TAFA5: variants seen among roughly 807,000 people sequenced by gnomAD.
The protein encoded by TAFA5 is TAFA chemokine like family member 5.
TAFA5 carries 6 observed loss-of-function variants against 15.3 expected under a neutral mutation model. The ratio of observed to expected loss-of-function variants is 0.39; its 90% confidence interval spans 0.21 to 0.77. TAFA5 has a LOEUF of 0.77. Ranked by LOEUF, TAFA5 falls within the 30% of genes least tolerant of loss-of-function variation. TAFA5 has a pLI of 0.41. For missense variants in TAFA5, 161 were observed against 193.1 expected (o/e 0.83, Z 0.98); for synonymous variants, 103 against 80.7 (o/e 1.28, Z -1.48).
intron 1 of TAFA5, among the ~76,000 whole-genome samples, chr22:48,520,123 G>A (rs1921551615): frequency 6.6e-6 from 1 of 152,248 alleles, no homozygotes; most frequent in African/African-American, 2.4e-5. Context: ...AGGAGCCGCT[G>A]GGTGGCCAGC....
intron 3 of TAFA5, among the ~76,000 whole-genome samples, chr22:48,723,036 C>A (rs1929616643): frequency 6.6e-6 from 1 of 152,196 alleles, no homozygotes; most frequent in Admixed American, 6.5e-5. Flanking sequence ...CAAGGCCGCC[C>A]TCTACCTGTG....
chr22:48,533,248 C>T (rs1406145812), intron 1 of TAFA5, among the ~76,000 whole-genome samples: 7 of 152,132 alleles, frequency 4.6e-5, no homozygotes, highest in Non-Finnish European at 5.9e-5. Context: ...GAAGTCTCAT[C>T]GATGCCCTGG....
At chr22:48,686,405 G>A (rs1569078766) in intron 2 of TAFA5, among the ~76,000 whole-genome samples, 1 of 152,204 alleles carries the variant, frequency 6.6e-6, no homozygotes, top group Non-Finnish European at 1.5e-5. Flanking sequence ...TCACATACTG[G>A]AAAGGATGAG....
chr22:48,709,455 A>G (rs1929185416), intron 3 of TAFA5, among the ~76,000 whole-genome samples: 1 of 152,010 alleles, frequency 6.6e-6, no homozygotes, highest in Non-Finnish European at 1.5e-5. Flanking sequence ...CAGCAACACA[A>G]ACAGCAGGTG....
Position 48,746,239 on chromosome 22 carries a change from T to C in TAFA5, c.391-3600T>C, listed in dbSNP as rs554563583. 3.8e-4 allele frequency among the ~76,000 whole-genome samples: 58 copies of C among 152,134 alleles called. No individual in the cohort carries two copies. The South Asian group carries it at 0.012, about 31-fold the overall frequency. ...AAGTCGTCCAGGGCATTCTGGGCTTTCAGGCTGGCCTCCACCCCGTGCCGT... is the reference window on the plus strand; with the variant it reads ...AAGTCGTCCAGGGCATTCTGGGCTTCCAGGCTGGCCTCCACCCCGTGCCGT... On this transcript the variant is annotated intron_variant, in intron 3 of 3. Transcript: ENST00000402357.
chr22:48,582,820 AC>A (rs559382833), intron 1 of TAFA5, among the ~76,000 whole-genome samples: 1 of 58,744 alleles, frequency 1.7e-5, no homozygotes. Context: ...TACACCACAC[AC>A]CACACACAAT....
At chr22:48,520,731 G>C (rs1421635807) in intron 1 of TAFA5, among the ~76,000 whole-genome samples, 2 of 152,192 alleles carry the variant, frequency 1.3e-5, no homozygotes, top group African/African-American at 4.8e-5. Context: ...TCTCAGACCA[G>C]GGGAATGGGC....
At chr22:48,702,926 G>A (rs533598744) in intron 2 of TAFA5, among the ~76,000 whole-genome samples, 2 of 152,366 alleles carry the variant, frequency 1.3e-5, no homozygotes, top group East Asian at 1.9e-4. Context: ...GGGCCGGCCC[G>A]CTGGTGCCCT....
intron 1 of TAFA5, among the ~76,000 whole-genome samples, chr22:48,575,586 T>G (rs1230861631): frequency 6.9e-6 from 1 of 145,224 alleles, no homozygotes; most frequent in Non-Finnish European, 1.5e-5. Flanking sequence ...GCCCCACCTG[T>G]AGGCGCGGCA....
intron 1 of TAFA5, among the ~76,000 whole-genome samples, chr22:48,523,006 C>T (rs986061558): frequency 3.3e-5 from 5 of 152,202 alleles, no homozygotes; most frequent in Non-Finnish European, 7.4e-5. Context: ...CCCCCCATGG[C>T]GGGGCTGTGT....
chr22:48,590,353 G>A (rs73890919), intron 1 of TAFA5, among the ~76,000 whole-genome samples: 1,744 of 152,328 alleles, frequency 0.011, 32 homozygotes, highest in African/African-American at 0.037. Flanking sequence ...ATGCGGATGC[G>A]GACGGGCATT....
At chr22:48,582,495 A>T (rs538657778) in intron 1 of TAFA5, among the ~76,000 whole-genome samples, 1 of 151,678 alleles carries the variant, frequency 6.6e-6, no homozygotes, top group Non-Finnish European at 1.5e-5. Context: ...CACACACCAC[A>T]CACAAAATAC....
Position 48,552,066 on chromosome 22 carries a change from C to G in TAFA5, c.112+62362C>G, listed in dbSNP as rs1922876061. Among the ~76,000 whole-genome samples, 1 of 152,244 alleles carries G rather than the reference C, an allele frequency of 6.6e-6. No homozygotes were observed. On this transcript the variant is annotated intron_variant, in intron 1 of 3. Coordinates refer to ENST00000402357, the MANE Select transcript of TAFA5 (RefSeq NM_001082967.3). The surrounding 1 kb of genome is among the most constrained non-coding windows in gnomAD (Gnocchi z 4.1). ...CCGGCAGGAAGCGTCCTCCAGTGCT[C>G]CCTCTGCTGTGCTCTGTCACTGTGG...
At chr22:48,713,426 G>A (rs130162) in intron 3 of TAFA5, among the ~76,000 whole-genome samples, 115,881 of 152,128 alleles carry the variant, frequency 0.76, 44,394 homozygotes, top group African/African-American at 0.83. Flanking sequence ...GGGGCCTGGT[G>A]GCCCGGCCAG....
chr22:48,682,890 A>G (rs115708447), intron 2 of TAFA5, among the ~76,000 whole-genome samples: 2,129 of 152,228 alleles, frequency 0.014, 52 homozygotes, highest in African/African-American at 0.048. Flanking sequence ...GTGTGGCAGG[A>G]AGGCTTGACA....
At chr22:48,579,901 G>C (rs1569033093) in intron 1 of TAFA5, among the ~76,000 whole-genome samples, 1 of 152,238 alleles carries the variant, frequency 6.6e-6, no homozygotes, top group Non-Finnish European at 1.5e-5. Context: ...TTCTGAATGG[G>C]AGGGAGAACC....
intron 1 of TAFA5, among the ~76,000 whole-genome samples, chr22:48,573,623 T>G (rs1022989055): frequency 6.6e-6 from 1 of 152,244 alleles, no homozygotes; most frequent in Non-Finnish European, 1.5e-5. Context: ...CAGGAAGCCT[T>G]GGTGCCCGGA....
chr22:48,569,823 C>T (rs1222307757), intron 1 of TAFA5, among the ~76,000 whole-genome samples: 2 of 152,200 alleles, frequency 1.3e-5, no homozygotes, highest in Non-Finnish European at 2.9e-5. Context: ...ATGCGGCTGG[C>T]GTGCCCTCTC....
chr22:48,576,557 A>C, intron 1 of TAFA5: 1 of 1,508,668 alleles, frequency 6.6e-7, no homozygotes, highest in Non-Finnish European at 8.9e-7. Flanking sequence ...ATCCACGCGC[A>C]GTTCCTCAAA....
Sources: allele counts gnomAD v4.1 joint callset (sites outside exome capture counted in the v4.1 genomes callset), GRCh38; gene constraint gnomAD v4.1.1; non-coding constraint Gnocchi (gnomAD v3.1); transcripts MANE v1.5; gene names NCBI Gene and HGNC (gene_info 2026-07-23, HGNC 2026-07-21).